Variants in FAM222A observed in about 807,000 individuals in gnomAD.
FAM222A encodes protein FAM222A.
Under a neutral mutation model 25.8 loss-of-function variants are expected in FAM222A, and 7 were observed. The observed-to-expected ratio is 0.27, with a 90% CI of 0.15 to 0.51. The LOEUF (loss-of-function observed/expected upper bound fraction) is 0.51. Ranked by LOEUF, FAM222A falls within the 20% of genes least tolerant of loss-of-function variation. The pLI, the probability that FAM222A is intolerant of heterozygous loss-of-function variation, is 0.97. For synonymous variants in FAM222A, 294 were observed against 298.8 expected (o/e 0.98, Z 0.17); for missense variants, 573 against 640.5 (o/e 0.89, Z 1.14).
At chr12:109,760,443 A>G (rs985840132) in intron 2 of FAM222A, among the ~76,000 whole-genome samples, 1 of 152,134 alleles carries the variant, frequency 6.6e-6, no homozygotes, top group African/African-American at 2.4e-5. Flanking sequence ...AGCCAGGGGG[A>G]TGGAGGACCT....
intron 1 of FAM222A, among the ~76,000 whole-genome samples, chr12:109,740,497 A>T (rs935327950): frequency 9.9e-5 from 15 of 152,158 alleles, no homozygotes; most frequent in African/African-American, 3.6e-4. Context: ...TAATGAGTCC[A>T]GGCGGGGACT....
chr12:109,729,792 T>C (rs1257618895), intron 1 of FAM222A, among the ~76,000 whole-genome samples: 1 of 152,192 alleles, frequency 6.6e-6, no homozygotes, highest in Non-Finnish European at 1.5e-5. Flanking sequence ...GGGCACTGAC[T>C]CCCTCCACCA....
intron 2 of FAM222A, chr12:109,744,764 C>T (rs944251417): frequency 1.0e-6 from 1 of 985,116 alleles, no homozygotes; most frequent in Non-Finnish European, 1.2e-6. Flanking sequence ...ATCATAATTT[C>T]TTTTTTAATG....
intron 2 of FAM222A, among the ~76,000 whole-genome samples, chr12:109,753,136 AGAGAGGCACCGTGGGGGC>A (rs1199193842): frequency 1.3e-5 from 2 of 152,176 alleles, no homozygotes; most frequent in African/African-American, 4.8e-5. Context: ...CAGAAGCCCC[AGAGAGGCACCGTGGGGGC>A]CTGTGGCGAG....
intron 1 of FAM222A, among the ~76,000 whole-genome samples, chr12:109,736,530 C>G (rs1321555483): frequency 6.6e-6 from 1 of 152,158 alleles, no homozygotes; most frequent in Admixed American, 6.5e-5. Context: ...GCTGGTGTGT[C>G]CTTACATCAT....
chr12:109,727,550 C>A (rs1452557761), intron 1 of FAM222A, among the ~76,000 whole-genome samples: 2 of 152,184 alleles, frequency 1.3e-5, no homozygotes, highest in Non-Finnish European at 2.9e-5. Flanking sequence ...GTGTGCCAGC[C>A]CTGAGCCCAA....
chr12:109,757,948 G>C (rs1888781492), intron 2 of FAM222A, among the ~76,000 whole-genome samples: 1 of 152,198 alleles, frequency 6.6e-6, no homozygotes, highest in Non-Finnish European at 1.5e-5. Context: ...CAGAGAGTAA[G>C]GTGTGGGCTC....
At chr12:109,743,119 G>A (rs1353576366) in intron 1 of FAM222A, among the ~76,000 whole-genome samples, 6 of 152,136 alleles carry the variant, frequency 3.9e-5, no homozygotes, top group African/African-American at 9.7e-5. Context: ...AGGGGTGTCC[G>A]GGGTTGAGCT....
At chr12:109,760,448 G>T (rs911402270) in intron 2 of FAM222A, among the ~76,000 whole-genome samples, 17 of 152,194 alleles carry the variant, frequency 1.1e-4, no homozygotes, top group Middle Eastern at 3.2e-3. Flanking sequence ...GGGGGATGGA[G>T]GACCTGGGCT....
intron 2 of FAM222A, among the ~76,000 whole-genome samples, chr12:109,762,241 G>A (rs966666048): frequency 2.0e-5 from 3 of 152,292 alleles, no homozygotes; most frequent in South Asian, 2.1e-4. Context: ...AATAGGGGCC[G>A]GGCACAGTGG....
chr12:109,750,512 TCTTC>T (rs1304158404), intron 2 of FAM222A, among the ~76,000 whole-genome samples: 1 of 152,172 alleles, frequency 6.6e-6, no homozygotes, highest in Non-Finnish European at 1.5e-5. Context: ...TCCCCTTCTT[TCTTC>T]CTTCCTTTCT....
chr12:109,761,175 C>G (rs1888881928), intron 2 of FAM222A, among the ~76,000 whole-genome samples: 1 of 152,202 alleles, frequency 6.6e-6, no homozygotes, highest in Non-Finnish European at 1.5e-5. Context: ...GGGACTTGAA[C>G]CAGATCTGTG....
intron 1 of FAM222A, among the ~76,000 whole-genome samples, chr12:109,720,804 A>G (rs1285267485): frequency 6.6e-6 from 1 of 152,200 alleles, no homozygotes; most frequent in African/African-American, 2.4e-5. Flanking sequence ...CAACAAGTGC[A>G]TGTGGGTTAA....
At position 109,769,080 on chromosome 12, in the gene FAM222A, C is replaced by G; in HGVS notation, c.1151C>G (p.Pro384Arg). Residue 384 changes from proline (P) to arginine (R), a missense_variant, in exon 3 of 3, where the codon CCT (proline) becomes CGT (arginine). By Grantham distance (103) the Pro-to-Arg change is moderately radical. Coordinates refer to ENST00000538780, the MANE Select transcript of FAM222A (RefSeq NM_032829.3). The part of the protein sequence containing the change: ...PGAARELAGP[P>R]ADALSGLPSK... Reference sequence around the variant, plus strand: ...GCAGCCCGGGAGCTGGCTGGGCCCCCTGCAGATGCCCTCTCGGGCCTGCCC... The same window carrying G: ...GCAGCCCGGGAGCTGGCTGGGCCCCGTGCAGATGCCCTCTCGGGCCTGCCC... 1 of 1,603,874 alleles carries G rather than the reference C, an allele frequency of 6.2e-7. No individual in the cohort carries two copies. Among genetic ancestry groups the G allele is most frequent in the East Asian group, 2.2e-5 (1 of 44,464 alleles).
In FAM222A at chr12:109,769,442, C is replaced by T. The variant is rs986759559; in HGVS notation, c.*154C>T. ...AGGCTGGCTGCCGCCTCGCTGTGGC[C>T]GGATGGAGGGTGGCAGGGCAACCTC... On this transcript the variant is annotated 3_prime_UTR_variant, in exon 3 of 3. Coordinates refer to ENST00000538780, the MANE Select transcript of FAM222A (RefSeq NM_032829.3). The T allele has an allele frequency of 5.6e-5, 55 of 988,670 alleles. 1 individual carries two copies. The highest frequency in any genetic ancestry group is 7.1e-5 in the Non-Finnish European group (49 of 691,962). The allele number at this position is 988,670 out of a possible 1,614,324, so 61.2% of individuals were successfully genotyped here.
intron 2 of FAM222A, chr12:109,744,606 G>C: frequency 9.1e-6 from 9 of 985,404 alleles, no homozygotes; most frequent in Non-Finnish European, 9.6e-6. Flanking sequence ...TGGGGTCCCC[G>C]CTTGAGGCCC....
At chr12:109,731,411 A>G (rs1173272824) in intron 1 of FAM222A, among the ~76,000 whole-genome samples, 8 of 152,114 alleles carry the variant, frequency 5.3e-5, no homozygotes, top group African/African-American at 1.9e-4. Flanking sequence ...CAGCAGACCT[A>G]GTTCGCATCC....
chr12:109,722,449 A>T (rs1208572151), intron 1 of FAM222A: 2 of 152,234 alleles, frequency 1.3e-5, no homozygotes, highest in African/African-American at 4.8e-5. Context: ...CCTAGTGCAC[A>T]GTAGGTAGAC....
At chr12:109,720,278 C>A in intron 1 of FAM222A, 1 of 746,014 alleles carries the variant, frequency 1.3e-6, no homozygotes, top group Non-Finnish European at 1.6e-6. Context: ...TGTGAACAGG[C>A]TCCCGGGGAT....
Sources: allele counts gnomAD v4.1 joint callset (sites outside exome capture counted in the v4.1 genomes callset), GRCh38; gene constraint gnomAD v4.1.1; transcripts MANE v1.5; gene names NCBI Gene and HGNC (gene_info 2026-07-23, HGNC 2026-07-21).